PECR: variants seen among roughly 807,000 people sequenced by gnomAD.
PECR encodes the protein 2,4-dienoyl-CoA reductase-related protein.
A neutral mutation model predicts 35.3 loss-of-function variants in PECR; 30 were observed. The observed-to-expected ratio is 0.85, with a 90% CI of 0.64 to 1.15. PECR has a LOEUF of 1.15. Among genes scored for constraint, PECR ranks in the 50% most tolerant of loss-of-function variants. The probability of loss-of-function intolerance (pLI) is 0.00; values close to 1 mark genes in which losing one functional copy is unlikely to be tolerated. For missense variants in PECR, 392 were observed against 370.8 expected, an observed-to-expected ratio of 1.06 and a Z score of -0.47; for synonymous variants, 148 against 138.9, an observed-to-expected ratio of 1.07 and a Z score of -0.46.
At chr2:216,069,508 C>T (rs891688189) in intron 1 of PECR, among the ~76,000 whole-genome samples, 5 of 152,304 alleles carry the variant, frequency 3.3e-5, no homozygotes, top group African/African-American at 1.2e-4. Flanking sequence ...ATGCGTGACA[C>T]TGCTGCCAGT....
chr2:216,030,948 T>TCA (rs1416270025), intron 7 of PECR, among the ~76,000 whole-genome samples: 4 of 97,396 alleles, frequency 4.1e-5, no homozygotes, highest in East Asian at 5.1e-4. Context: ...TCTCTCTCTC[T>TCA]CTCTCTCTCA....
In PECR at chr2:216,039,184, T is replaced by C; in HGVS notation, c.*91A>G. On this transcript the variant is annotated 3_prime_UTR_variant, in exon 8 of 8. Transcript: ENST00000265322. ...ACACTTAAAAATAAGAAAAATGTTT[T>C]CCATACCAACTATAAGCTTTTAAAA... 1 of 782,346 alleles carries C rather than the reference T, an allele frequency of 1.3e-6. No individual in the cohort carries two copies. The highest frequency in any genetic ancestry group is 2.3e-6 in the Non-Finnish European group (1 of 432,218). The allele number at this position is 782,346 out of a possible 1,614,324, so 48.5% of individuals were successfully genotyped here.
chr2:216,071,614 G>A (rs1394404983), intron 1 of PECR, among the ~76,000 whole-genome samples: 1 of 152,078 alleles, frequency 6.6e-6, no homozygotes, highest in Admixed American at 6.6e-5. Flanking sequence ...AGCAATAGTT[G>A]TGCAATATAT....
intron 4 of PECR, among the ~76,000 whole-genome samples, chr2:216,055,272 T>C (rs1318336713): frequency 2.0e-5 from 3 of 151,502 alleles, no homozygotes; most frequent in African/African-American, 7.3e-5. Flanking sequence ...ACCCCGTCTC[T>C]ATTAAAAATA....
At chr2:216,052,168 A>T (rs1251715480) in intron 4 of PECR, among the ~76,000 whole-genome samples, 1 of 152,230 alleles carries the variant, frequency 6.6e-6, no homozygotes, top group Non-Finnish European at 1.5e-5. Context: ...CCTGGGCAAC[A>T]GAATGAGACT....
intron 2 of PECR, among the ~76,000 whole-genome samples, chr2:216,065,876 G>C (rs530812553): frequency 2.9e-4 from 44 of 152,356 alleles, no homozygotes; most frequent in African/African-American, 1.0e-3. Flanking sequence ...TGTAATCCTA[G>C]CACTTCGGGA....
intron 1 of PECR, among the ~76,000 whole-genome samples, chr2:216,068,225 CAAAAAAAA>C (rs34646067): frequency 1.5e-5 from 1 of 65,008 alleles, no homozygotes; most frequent in Non-Finnish European, 2.9e-5. Flanking sequence ...GACTCCATAT[CAAAAAAAA>C]AAAAAAAAAA....
intron 4 of PECR, among the ~76,000 whole-genome samples, chr2:216,056,657 G>A (rs1695230496): frequency 6.7e-6 from 1 of 149,632 alleles, no homozygotes. Context: ...GGAGGCAGAG[G>A]TTGCAGTGAG....
intron 3 of PECR, among the ~76,000 whole-genome samples, chr2:216,062,991 T>C (rs1481035380): frequency 6.6e-6 from 1 of 152,228 alleles, no homozygotes; most frequent in African/African-American, 2.4e-5. Context: ...AATTGCCTAA[T>C]GACACATTTC....
intron 6 of PECR, 128 bp from the exon 7 acceptor site, chr2:216,044,143 G>T: frequency 1.5e-6 from 1 of 679,594 alleles, no homozygotes. Flanking sequence ...GTGTGCATGT[G>T]CACCACAACC....
intron 1 of PECR, among the ~76,000 whole-genome samples, chr2:216,076,836 T>A (rs1339141622): frequency 6.6e-6 from 1 of 151,964 alleles, no homozygotes; most frequent in Non-Finnish European, 1.5e-5. Flanking sequence ...GAAGACTTAC[T>A]TGGAGAAATG....
chr2:216,040,645 G>A (rs1318788732), intron 7 of PECR, among the ~76,000 whole-genome samples: 4 of 152,182 alleles, frequency 2.6e-5, no homozygotes, highest in Non-Finnish European at 5.9e-5. Context: ...GAGGCAGGCG[G>A]ATCACCTGAG....
Position 216,065,488 on chromosome 2 carries a change from A to C in PECR, c.259-11T>G. ...GACCAAATTATTCACCTAAAGAAGA[A>C]CAGTAGAAGTTACTAAAAGGAAAAG... On this transcript the variant is annotated splice_polypyrimidine_tract_variant and intron_variant, in intron 2 of 7. Transcript: ENST00000265322. The C allele has an allele frequency of 6.4e-7, 1 of 1,551,760 alleles. No individual in the cohort carries two copies. Among genetic ancestry groups the C allele is most frequent in the African/African-American group, 1.4e-5 (1 of 73,810 alleles).
intron 7 of PECR, among the ~76,000 whole-genome samples, chr2:216,030,016 C>T: frequency 6.6e-6 from 1 of 151,968 alleles, no homozygotes; most frequent in East Asian, 1.9e-4. Context: ...CACTGTGAGC[C>T]CCATCTTTGT....
At chr2:216,070,885 G>A (rs1269245325) in intron 1 of PECR, among the ~76,000 whole-genome samples, 3 of 152,208 alleles carry the variant, frequency 2.0e-5, no homozygotes, top group East Asian at 1.9e-4. Context: ...GGTGGCAGAC[G>A]CAGTTTGTCA....
chr2:216,056,019 C>A (rs556198417), intron 4 of PECR, among the ~76,000 whole-genome samples: 146 of 152,280 alleles, frequency 9.6e-4, no homozygotes, highest in Middle Eastern at 3.4e-3. Flanking sequence ...CCTCTGTGCT[C>A]CTTTTATCTT....
At chr2:216,054,368 TTTC>T in intron 4 of PECR, among the ~76,000 whole-genome samples, 1 of 127,044 alleles carries the variant, frequency 7.9e-6, no homozygotes, top group Non-Finnish European at 1.6e-5. Flanking sequence ...TTCTTTTTTC[TTTC>T]TTTTTTTTTT....
At chr2:216,073,549 C>T (rs1422752887) in intron 1 of PECR, among the ~76,000 whole-genome samples, 1 of 152,114 alleles carries the variant, frequency 6.6e-6, no homozygotes. Context: ...CTCCTGTGTC[C>T]TATACAGTGC....
intron 6 of PECR, among the ~76,000 whole-genome samples, chr2:216,046,347 G>A (rs1438516513): frequency 1.7e-5 from 2 of 116,780 alleles, no homozygotes; most frequent in African/African-American, 6.8e-5. Context: ...GCGTCTCACT[G>A]TCACCCAGGC....
Sources: gnomAD v4.1 joint callset for allele counts (sites outside exome capture counted in the v4.1 genomes callset) on GRCh38, gnomAD v4.1.1 for gene constraint, MANE v1.5 for transcripts, NCBI Gene and HGNC (gene_info 2026-07-23, HGNC 2026-07-21) for gene names.